TPTE2: variants seen among roughly 807,000 people sequenced by gnomAD.
TPTE2 encodes phosphatidylinositol 3,4,5-trisphosphate 3-phosphatase TPTE2.
Under a neutral mutation model 78.6 loss-of-function variants are expected in TPTE2, and 53 were observed. The ratio of observed to expected loss-of-function variants is 0.67; its 90% confidence interval spans 0.54 to 0.85. The LOEUF (loss-of-function observed/expected upper bound fraction) is 0.85. TPTE2 is among the 40% of genes least tolerant of loss of function. The pLI, the probability that TPTE2 is intolerant of heterozygous loss-of-function variation, is 0.00. For missense variants in TPTE2, 461 were observed against 623.0 expected (o/e 0.74, Z 2.77); for synonymous variants, 175 against 206.2 (o/e 0.85, Z 1.30).
At chr13:19,532,842 A>C (rs1215279156) in intron 1 of TPTE2, among the ~76,000 whole-genome samples, 2 of 152,220 alleles carry the variant, frequency 1.3e-5, no homozygotes, top group Non-Finnish European at 2.9e-5. Flanking sequence ...ACCTTTAAGG[A>C]GATCAGCACA....
chr13:19,427,880 C>A (rs1876254212), intron 17 of TPTE2, among the ~76,000 whole-genome samples: 1 of 152,180 alleles, frequency 6.6e-6, no homozygotes. Flanking sequence ...GTGAAAAACA[C>A]AAAAGGAGGT....
chr13:19,429,316 A>C (rs1876378801), intron 17 of TPTE2, among the ~76,000 whole-genome samples: 1 of 152,242 alleles, frequency 6.6e-6, no homozygotes, highest in African/African-American at 2.4e-5. Context: ...AAGGAAGGAG[A>C]ACATAGAAAA....
At chr13:19,554,598 CT>C in the TPTE2 span, among the ~76,000 whole-genome samples, 1 of 151,948 alleles carries the variant, frequency 6.6e-6, no homozygotes, top group Non-Finnish European at 1.5e-5. Context: ...TTGTACATAT[CT>C]GTAATATTTC....
chr13:19,525,516 C>A (rs1870444270), intron 1 of TPTE2, among the ~76,000 whole-genome samples: 1 of 152,140 alleles, frequency 6.6e-6, no homozygotes, highest in Admixed American at 6.5e-5. Flanking sequence ...GAAACTGGAC[C>A]CCTTCCTTTC....
At position 19,480,804 on chromosome 13, in the gene TPTE2, G is replaced by A. The variant is rs535106956; in HGVS notation, c.179+1684C>T. On this transcript the variant is annotated intron_variant, in intron 4 of 19. Coordinates refer to ENST00000400230, the Ensembl canonical transcript of TPTE2. The stretch of plus-strand genomic sequence containing the variant: ...TAAAGCACATATCAATATCAATAGC[G>A]TCACAATCATTCCCTTTGACACAGA... 1.9e-4 allele frequency among the ~76,000 whole-genome samples: 29 copies of A among 152,128 alleles called. 1 individual carries two copies. Among genetic ancestry groups the A allele is most frequent in the South Asian group, 1.9e-3 (9 of 4,822 alleles).
At chr13:19,490,246 A>C (rs543244217) in intron 3 of TPTE2, among the ~76,000 whole-genome samples, 111 of 152,076 alleles carry the variant, frequency 7.3e-4, no homozygotes, top group African/African-American at 2.6e-3. Context: ...TGACTCTACC[A>C]CTCATTGCTC....
chr13:19,469,017 T>G (rs983219109), intron 6 of TPTE2, among the ~76,000 whole-genome samples: 1 of 152,210 alleles, frequency 6.6e-6, no homozygotes, highest in Non-Finnish European at 1.5e-5. Context: ...AAGCAGTTTT[T>G]TAACTTGATG....
chr13:19,478,638 G>C (rs1880124258), intron 4 of TPTE2, among the ~76,000 whole-genome samples: 1 of 152,170 alleles, frequency 6.6e-6, no homozygotes, highest in African/African-American at 2.4e-5. Context: ...AATACCATTT[G>C]ACCCAGCCAT....
At chr13:19,557,010 T>C in the TPTE2 span, among the ~76,000 whole-genome samples, 96 of 152,324 alleles carry the variant, frequency 6.3e-4, no homozygotes, top group African/African-American at 2.3e-3. Context: ...TTAAATATAT[T>C]CCTTGAATAT....
chr13:19,446,342 T>C (rs1220231753), intron 13 of TPTE2, among the ~76,000 whole-genome samples: 6 of 152,116 alleles, frequency 3.9e-5, no homozygotes, highest in African/African-American at 9.7e-5. Flanking sequence ...AGAGAGAACT[T>C]AGGAACAGTC....
chr13:19,527,133 G>GC (rs1870553266), intron 1 of TPTE2, among the ~76,000 whole-genome samples: 1 of 151,892 alleles, frequency 6.6e-6, no homozygotes, highest in Non-Finnish European at 1.5e-5. Context: ...TGGCAAAACC[G>GC]CATCTCTACA....
intron 10 of TPTE2, among the ~76,000 whole-genome samples, chr13:19,451,799 G>A (rs1352693230): frequency 6.9e-6 from 1 of 143,930 alleles, no homozygotes; most frequent in African/African-American, 2.5e-5. Context: ...AGATATATGT[G>A]TACCTATAAG....
At chr13:19,504,404 A>T, upstream of TPTE2, among the ~76,000 whole-genome samples, 1 of 152,040 alleles carries the variant, frequency 6.6e-6, no homozygotes, top group Admixed American at 6.5e-5. Context: ...TGCCCCATAC[A>T]ATGTGATGAT....
rs528717805 is a variant in TPTE2 at position 19,499,251 on chromosome 13, G to A, written c.11+3973C>T. On this transcript the variant is annotated intron_variant, in intron 1 of 19. Coordinates refer to ENST00000400230, the Ensembl canonical transcript of TPTE2. Reference sequence around the variant, plus strand: ...ATTAGACAGATCAACGAGACAGAAAGTCAACAACGATACCCAGGAATTGAA... The same window carrying A: ...ATTAGACAGATCAACGAGACAGAAAATCAACAACGATACCCAGGAATTGAA... Among the ~76,000 whole-genome samples, 25 of 152,110 alleles carry A rather than the reference G, an allele frequency of 1.6e-4. No homozygotes were observed. In the South Asian group the frequency reaches 4.8e-3, roughly 29 times the overall value.
intron 1 of TPTE2, among the ~76,000 whole-genome samples, chr13:19,534,330 A>T (rs960407325): frequency 9.8e-5 from 15 of 152,298 alleles, no homozygotes; most frequent in African/African-American, 3.6e-4. Flanking sequence ...AAGTTGAAAA[A>T]TTTTAAGTCA....
intron 1 of TPTE2, among the ~76,000 whole-genome samples, chr13:19,497,108 G>A (rs961973172): frequency 2.0e-4 from 31 of 152,138 alleles, no homozygotes; most frequent in Non-Finnish European, 3.5e-4. Flanking sequence ...AAAAAACGGT[G>A]CACCGCGAGA....
chr13:19,503,073 T>C, intron 1 of TPTE2, 151 bp downstream of exon 4: 1 of 1,077,500 alleles, frequency 9.3e-7, no homozygotes, highest in Non-Finnish European at 1.4e-6. Context: ...TTCCACTGTG[T>C]GCATGGGTTA....
At chr13:19,459,071 T>C (rs923747288) in intron 10 of TPTE2, among the ~76,000 whole-genome samples, 1 of 152,130 alleles carries the variant, frequency 6.6e-6, no homozygotes, top group African/African-American at 2.4e-5. Flanking sequence ...TCCACAACCT[T>C]CCCAGCATCT....
chr13:19,428,477 CT>C (rs1451785425), intron 17 of TPTE2, among the ~76,000 whole-genome samples: 9 of 151,690 alleles, frequency 5.9e-5, no homozygotes, highest in Non-Finnish European at 1.2e-4. Context: ...AAAGAAAAAA[CT>C]TGGAAAAACA....
Sources: allele counts gnomAD v4.1 joint callset (sites outside exome capture counted in the v4.1 genomes callset), GRCh38; gene constraint gnomAD v4.1.1; transcripts MANE v1.5; gene names NCBI Gene and HGNC (gene_info 2026-07-23, HGNC 2026-07-21).